OSBPL6: variants seen among roughly 807,000 people sequenced by gnomAD.
OSBPL6 encodes the protein oxysterol binding protein like 6.
A neutral mutation model predicts 125.8 loss-of-function variants in OSBPL6; 49 were observed. The observed-to-expected ratio is 0.39, with a 90% confidence interval of 0.31 to 0.49. OSBPL6 has a LOEUF of 0.49. OSBPL6 is among the 20% of genes least tolerant of loss of function. The pLI, the probability that OSBPL6 is intolerant of heterozygous loss-of-function variation, is 0.88. For synonymous variants in OSBPL6, 394 were observed against 391.8 expected (o/e 1.01, Z -0.07); for missense variants, 986 against 1,135.4 (o/e 0.87, Z 1.89).
intron 4 of OSBPL6, among the ~76,000 whole-genome samples, chr2:178,326,835 T>C (rs952899488): frequency 4.6e-5 from 7 of 152,240 alleles, no homozygotes; most frequent in Admixed American, 4.6e-4. Flanking sequence ...TAAAATTATT[T>C]GCTCCAAGCT....
chr2:178,282,404 C>T (rs747962923), intron 1 of OSBPL6, among the ~76,000 whole-genome samples: 7 of 152,192 alleles, frequency 4.6e-5, no homozygotes, highest in Non-Finnish European at 8.8e-5. Context: ...AAGCCTTAAT[C>T]TTACCCCCTT....
chr2:178,314,379 C>A (rs1339015744), intron 3 of OSBPL6, among the ~76,000 whole-genome samples: 1 of 152,116 alleles, frequency 6.6e-6, no homozygotes, highest in Non-Finnish European at 1.5e-5. Context: ...GCAGGATGAC[C>A]CTGGAACCCA....
intron 12 of OSBPL6, among the ~76,000 whole-genome samples, chr2:178,352,827 C>A (rs966092899): frequency 2.6e-5 from 4 of 152,164 alleles, no homozygotes; most frequent in Non-Finnish European, 5.9e-5. Flanking sequence ...CTGGGAGACA[C>A]CTCCCAGTAA....
At chr2:178,312,088 T>G (rs2154064868) in intron 3 of OSBPL6, among the ~76,000 whole-genome samples, 1 of 151,962 alleles carries the variant, frequency 6.6e-6, no homozygotes, top group Admixed American at 6.5e-5. Context: ...CTCAAGTGAT[T>G]CTCCTGCCTC....
At chr2:178,369,352 T>C (rs1161460317) in intron 13 of OSBPL6, among the ~76,000 whole-genome samples, 1 of 152,214 alleles carries the variant, frequency 6.6e-6, no homozygotes, top group Non-Finnish European at 1.5e-5. Context: ...GAAATTCCTA[T>C]GAACCATAAT....
Position 178,397,489 on chromosome 2 carries a change from G to A in OSBPL6, c.*1930G>A, listed in dbSNP as rs1695920515. On this transcript the variant is annotated 3_prime_UTR_variant, in exon 25 of 25. Coordinates refer to ENST00000190611, the MANE Select transcript of OSBPL6 (RefSeq NM_032523.4). ...TTTTCTGCATCCTGAGATACATGTC[G>A]TTAATTTTAATAAGAATCCTATTGA... 1 of 152,092 alleles carries A rather than the reference G, an allele frequency of 6.6e-6. No individual in the cohort carries two copies. Among genetic ancestry groups the A allele is most frequent in the Non-Finnish European group, 1.5e-5 (1 of 68,026 alleles). The allele number at this position is 152,092 out of a possible 1,614,324, so 9.4% of individuals were successfully genotyped here. A position where few individuals can be genotyped will look rare whatever the true frequency, so the allele number is the denominator to read the frequency against.
chr2:178,255,307 CAAAAACA>C (rs543967600), intron 1 of OSBPL6, among the ~76,000 whole-genome samples: 67 of 152,220 alleles, frequency 4.4e-4, no homozygotes, highest in South Asian at 2.5e-3. Context: ...GACTCCGTCT[CAAAAACA>C]AAAAACAAAA....
intron 1 of OSBPL6, among the ~76,000 whole-genome samples, chr2:178,233,642 G>T (rs540837291): frequency 1.3e-5 from 2 of 152,196 alleles, no homozygotes; most frequent in East Asian, 1.9e-4. Flanking sequence ...TGTTAAGGAG[G>T]TGATGACACA....
intron 1 of OSBPL6, among the ~76,000 whole-genome samples, chr2:178,203,326 A>C (rs1337355598): frequency 6.6e-6 from 1 of 152,172 alleles, no homozygotes; most frequent in Non-Finnish European, 1.5e-5. Context: ...TTATAGGCTT[A>C]TACCACTGTG....
At chr2:178,303,779 C>A (rs981405238) in intron 2 of OSBPL6, among the ~76,000 whole-genome samples, 1 of 152,108 alleles carries the variant, frequency 6.6e-6, no homozygotes, top group Non-Finnish European at 1.5e-5. Flanking sequence ...CCTGCCTCCC[C>A]GACCATGTCC....
At chr2:178,311,823 C>T (rs1687296143) in intron 3 of OSBPL6, among the ~76,000 whole-genome samples, 1 of 152,188 alleles carries the variant, frequency 6.6e-6, no homozygotes, top group South Asian at 2.1e-4. Context: ...CCTCTTGCTC[C>T]TGAGAGTGGA....
chr2:178,307,637 A>G (rs761097348), intron 3 of OSBPL6, among the ~76,000 whole-genome samples: 33 of 147,242 alleles, frequency 2.2e-4, no homozygotes, highest in Non-Finnish European at 4.1e-4. Flanking sequence ...ATATTCTGAG[A>G]TGCTTTCTAA....
At chr2:178,255,352 TG>T (rs1649127257) in intron 1 of OSBPL6, among the ~76,000 whole-genome samples, 1 of 152,176 alleles carries the variant, frequency 6.6e-6, no homozygotes, top group South Asian at 2.1e-4. Flanking sequence ...ACAGAGCGTG[TG>T]CAGGGGAACT....
intron 8 of OSBPL6, among the ~76,000 whole-genome samples, chr2:178,335,995 T>C (rs1294830070): frequency 6.6e-6 from 1 of 152,200 alleles, no homozygotes; most frequent in African/African-American, 2.4e-5. Context: ...ACACTGCAAA[T>C]ACAATTTACT....
In OSBPL6 at chr2:178,214,486, G is replaced by A. The variant is rs373090028; in HGVS notation, c.-351+19812G>A. ...AATCCGTAGGACAGGCTGTCTGGAC[G>A]AACAGACTGGAATTCTCTGGCACAG... On this transcript the variant is annotated intron_variant, in intron 1 of 24. Coordinates refer to ENST00000190611, the MANE Select transcript of OSBPL6 (RefSeq NM_032523.4). Among the ~76,000 whole-genome samples the A allele has an allele frequency of 2.9e-4, 44 of 152,286 alleles. 1 individual carries two copies. The South Asian group carries it at 5.4e-3, about 19-fold the overall frequency.
In OSBPL6 at chr2:178,392,418, T is replaced by G; in HGVS notation, c.2453T>G (p.Met818Arg). ...TTCATTGGCCTCTTTCCAGGTTCCA[T>G]GCCAACAAACTATGAGCTGTACTAT... ...SAKCIWRPGS[M>R]PTNYELYYGF... Residue 818 changes from methionine to arginine, a missense_variant, in exon 23 of 25, where the codon ATG becomes AGG. Physicochemically the swap from Met to Arg is moderately conservative, Grantham distance 91. Around this residue, in one of 3 missense-constraint regions of OSBPL6, gnomAD observed 843 missense variants for 997.3 expected, o/e 0.85. Coordinates refer to ENST00000190611, the MANE Select transcript of OSBPL6 (RefSeq NM_032523.4). 1 of 1,614,034 alleles carries G rather than the reference T, an allele frequency of 6.2e-7. No individual in the cohort carries two copies.
chr2:178,311,252 C>T (rs934108766), intron 3 of OSBPL6, among the ~76,000 whole-genome samples: 2 of 152,162 alleles, frequency 1.3e-5, no homozygotes, highest in African/African-American at 4.8e-5. Context: ...TTCTGGTCCC[C>T]TCACCCTCAC....
intron 15 of OSBPL6, among the ~76,000 whole-genome samples, chr2:178,375,086 C>A (rs1396018861): frequency 6.6e-6 from 1 of 152,204 alleles, no homozygotes; most frequent in Admixed American, 6.5e-5. Flanking sequence ...TACATACTCT[C>A]AGATGGACAG....
chr2:178,254,474 G>A (rs1164383531), intron 1 of OSBPL6, among the ~76,000 whole-genome samples: 1 of 151,916 alleles, frequency 6.6e-6, no homozygotes, highest in African/African-American at 2.4e-5. Flanking sequence ...GCAACAGAAA[G>A]CAGACTAAGA....
Sources: allele counts gnomAD v4.1 joint callset (sites outside exome capture counted in the v4.1 genomes callset), GRCh38; gene constraint gnomAD v4.1.1; regional missense constraint gnomAD v4.1.1; transcripts MANE v1.5; gene names NCBI Gene and HGNC (gene_info 2026-07-23, HGNC 2026-07-21).